CLIP1: variants seen among roughly 807,000 people sequenced by gnomAD.
CLIP1 encodes the protein CAP-Gly domain-containing linker protein 1.
A neutral mutation model predicts 161.6 loss-of-function variants in CLIP1; 66 were observed. The ratio of observed to expected loss-of-function variants is 0.41; its 90% CI spans 0.33 to 0.50. CLIP1 has a LOEUF of 0.50. Ranked by LOEUF, CLIP1 falls within the 20% of genes least tolerant of loss-of-function variation. The pLI is 0.27. For synonymous variants in CLIP1, 598 were observed against 626.2 expected, an observed-to-expected ratio of 0.96 and a Z score of 0.67; for missense variants, 1,376 against 1,702.0, an observed-to-expected ratio of 0.81 and a Z score of 3.37.
intron 12 of CLIP1, 64 bp downstream of exon 12, chr12:122,336,568 G>A: frequency 2.4e-6 from 2 of 816,524 alleles, no homozygotes; most frequent in East Asian, 2.5e-5. Flanking sequence ...TTTCTTACTG[G>A]AGGATTTTTT....
At chr12:122,337,657 C>G (rs538868908) in intron 11 of CLIP1, among the ~76,000 whole-genome samples, 1 of 152,174 alleles carries the variant, frequency 6.6e-6, no homozygotes, top group Non-Finnish European at 1.5e-5. Flanking sequence ...TCAGCATGAT[C>G]TAAAGCAGAA....
At chr12:122,345,503 T>A (rs1952704652) in intron 10 of CLIP1, among the ~76,000 whole-genome samples, 1 of 151,700 alleles carries the variant, frequency 6.6e-6, no homozygotes, top group Non-Finnish European at 1.5e-5. Flanking sequence ...GGAGAAATCT[T>A]TAGTTCAGAG....
chr12:122,282,600 G>A (rs1252470754), intron 21 of CLIP1, among the ~76,000 whole-genome samples: 2 of 152,046 alleles, frequency 1.3e-5, no homozygotes, highest in African/African-American at 4.8e-5. Flanking sequence ...ACAGTAAGGA[G>A]ACTAAATTTG....
At position 122,398,942 on chromosome 12, in the gene CLIP1, C is replaced by CAAAA. The variant is rs34091651; in HGVS notation, c.-106-18388_-106-18385dup. Among the ~76,000 whole-genome samples the CAAAA allele has an allele frequency of 5.7e-4, 60 of 105,764 alleles. 1 individual carries two copies. Among genetic ancestry groups the CAAAA allele is most frequent in the Admixed American group, 2.3e-3 (22 of 9,412 alleles). 69.4% of individuals were successfully genotyped at this position (105,764 alleles called of 152,430 possible). ...TCCCCCTTCCTCCTGACCAGATATC[C>CAAAA]AAAAAAAAAAAAAAAAAACCTTAAG... On this transcript the variant is annotated intron_variant, in intron 1 of 25. Coordinates refer to ENST00000620786, the MANE Select transcript of CLIP1 (RefSeq NM_001247997.2).
intron 10 of CLIP1, 60 bp from the exon 11 acceptor site, chr12:122,341,757 CTTTTCTTTTT>C (rs1952511462): frequency 1.1e-4 from 10 of 89,330 alleles, no homozygotes; most frequent in East Asian, 3.2e-4. Context: ...TGACTATTTT[CTTTTCTTTTT>C]TTTTTTTTTT....
chr12:122,402,813 T>C (rs1173450257), intron 1 of CLIP1, among the ~76,000 whole-genome samples: 1 of 152,090 alleles, frequency 6.6e-6, no homozygotes, highest in African/African-American at 2.4e-5. Context: ...AAAACAAATA[T>C]CACCTCGTCT....
At chr12:122,389,758 C>CAAAAA (rs57168188) in intron 1 of CLIP1, among the ~76,000 whole-genome samples, 3,229 of 68,754 alleles carry the variant, frequency 0.047, 661 homozygotes, top group African/African-American at 0.18. Context: ...GATCCTGTCT[C>CAAAAA]AAAAAAAAAA....
chr12:122,408,404 A>C (rs1282247183), intron 1 of CLIP1, among the ~76,000 whole-genome samples: 1 of 151,680 alleles, frequency 6.6e-6, no homozygotes, highest in East Asian at 1.9e-4. Flanking sequence ...GCTGGAGTGC[A>C]GTGGTGCAAT....
chr12:122,377,243 C>T (rs1224530253), intron 3 of CLIP1, 146 bp downstream of exon 3: 5 of 668,826 alleles, frequency 7.5e-6, no homozygotes, highest in Admixed American at 2.9e-5. Flanking sequence ...CTCCTGACCT[C>T]GTGATCCACC....
At chr12:122,354,625 C>T in intron 6 of CLIP1, 69 bp from the exon 7 acceptor site, 3 of 1,280,344 alleles carry the variant, frequency 2.3e-6, no homozygotes, top group African/African-American at 2.9e-5. Flanking sequence ...GATACTTCTC[C>T]AAAGAGCTGT....
chr12:122,383,173 A>C lies in CLIP1; in HGVS notation c.-106-2615T>G, dbSNP rs557760449. Among the ~76,000 whole-genome samples, 9 of 152,338 alleles carry C rather than the reference A, an allele frequency of 5.9e-5. No individual in the cohort carries two copies. In the East Asian group the frequency reaches 1.7e-3, roughly 29 times the overall value. On this transcript the variant is annotated intron_variant, in intron 1 of 25. Transcript: ENST00000620786. ...CACCCTGGGCCAACCTCATAGAGTG[A>C]CAAGGGCCAGGTAGAACTGACAGAG...
At chr12:122,387,014 C>T (rs1955303841) in intron 1 of CLIP1, among the ~76,000 whole-genome samples, 1 of 152,028 alleles carries the variant, frequency 6.6e-6, no homozygotes, top group African/African-American at 2.4e-5. Context: ...CCTTCGCCTC[C>T]CATGTATCTA....
At position 122,318,917 on chromosome 12, in the gene CLIP1, G is replaced by A. The variant is rs1285680537; in HGVS notation, c.3366+315C>T. ...TGGCTCAAAGTTGGGAAAGAGAAGAGAAAAAACAATGTGTGTGATGTAAGA... is the reference window on the plus strand; with the variant it reads ...TGGCTCAAAGTTGGGAAAGAGAAGAAAAAAAACAATGTGTGTGATGTAAGA... On this transcript the variant is annotated intron_variant, in intron 18 of 25. Coordinates refer to ENST00000620786, the MANE Select transcript of CLIP1 (RefSeq NM_001247997.2). Among the ~76,000 whole-genome samples, 4 of 152,226 alleles carry A rather than the reference G, an allele frequency of 2.6e-5. No homozygotes were observed. The East Asian group carries it at 7.7e-4, about 29-fold the overall frequency.
At chr12:122,334,281 G>T (rs1365792233) in intron 13 of CLIP1, among the ~76,000 whole-genome samples, 171 bp from the exon 14 acceptor site, 1 of 152,194 alleles carries the variant, frequency 6.6e-6, no homozygotes, top group Non-Finnish European at 1.5e-5. Context: ...AAAGAAGCAG[G>T]TCTGCCGCTG....
At chr12:122,417,572 G>A (rs529688650) in intron 1 of CLIP1, among the ~76,000 whole-genome samples, 36 of 149,398 alleles carry the variant, frequency 2.4e-4, no homozygotes, top group African/African-American at 8.6e-4. Context: ...GAGTGCAGTG[G>A]CGAGATCTCC....
chr12:122,404,034 G>T (rs1222807644), intron 1 of CLIP1, among the ~76,000 whole-genome samples: 1 of 152,202 alleles, frequency 6.6e-6, no homozygotes, highest in Non-Finnish European at 1.5e-5. Context: ...CTCCAAGGTA[G>T]AATACCCGGT....
intron 7 of CLIP1, among the ~76,000 whole-genome samples, chr12:122,353,734 A>T (rs916816094): frequency 1.3e-5 from 2 of 151,786 alleles, no homozygotes; most frequent in Admixed American, 6.6e-5. Context: ...GGGTTCAAGC[A>T]ATTCTCCTGC....
At chr12:122,291,436 C>T (rs1390369268) in intron 20 of CLIP1, among the ~76,000 whole-genome samples, 3 of 152,322 alleles carry the variant, frequency 2.0e-5, no homozygotes, top group Non-Finnish European at 2.9e-5. Context: ...GTGATCCACC[C>T]GCCATGGCAT....
rs1221802984 is a variant in CLIP1 at position 122,340,794 on chromosome 12, T to C, written c.2410A>G (p.Ile804Val). The change falls in exon 11 of 26, where the codon ATT (isoleucine) becomes GTT (valine). Residue 804 changes from isoleucine to valine, a missense_variant. By Grantham distance (29) the Ile-to-Val change is conservative (BLOSUM62 3). Coordinates refer to ENST00000620786, the MANE Select transcript of CLIP1 (RefSeq NM_001247997.2). ...RQQLEAAEKQ[I>V]KHLEIEKNAE... ...TTCTTTTCAATCTCTAAATGTTTAA[T>C]CTGTTTCTCAGCTGCCTCAAGCTGC... 1.2e-6 allele frequency: 2 copies of C among 1,605,710 alleles called. No homozygotes were observed. Among genetic ancestry groups the C allele is most frequent in the African/African-American group, 1.3e-5 (1 of 74,310 alleles).
Sources: gnomAD v4.1 joint callset for allele counts (sites outside exome capture counted in the v4.1 genomes callset) on GRCh38, gnomAD v4.1.1 for gene constraint, MANE v1.5 for transcripts, NCBI Gene and HGNC (gene_info 2026-07-23, HGNC 2026-07-21) for gene names.